Variants in FHAD1 observed in about 807,000 individuals in gnomAD.
The protein encoded by FHAD1 is forkhead associated phosphopeptide binding domain 1, also known as forkhead-associated domain-containing protein 1.
Under a neutral mutation model 191.3 loss-of-function variants are expected in FHAD1, and 146 were observed. The ratio of observed to expected loss-of-function variants is 0.76; its 90% CI spans 0.67 to 0.88. FHAD1 has a LOEUF of 0.88. Ranked by LOEUF, FHAD1 falls within the 40% of genes least tolerant of loss-of-function variation. FHAD1 has a pLI of 0.00. For missense variants in FHAD1, 1,635 were observed against 1,785.8 expected (o/e 0.92, Z 1.52); for synonymous variants, 616 against 672.3 (o/e 0.92, Z 1.29).
intron 5 of FHAD1, among the ~76,000 whole-genome samples, chr1:15,297,835 A>G (rs1340071539): frequency 1.3e-5 from 2 of 150,736 alleles, no homozygotes; most frequent in Non-Finnish European, 3.0e-5. Context: ...GTTTCTTCCC[A>G]CAGATTTATT....
intron 1 of FHAD1, among the ~76,000 whole-genome samples, chr1:15,248,944 T>C (rs952963845): frequency 6.6e-6 from 1 of 151,614 alleles, no homozygotes; most frequent in African/African-American, 2.4e-5. Flanking sequence ...ACACTATCCC[T>C]ATCCTCTCAG....
chr1:15,341,210 A>G (rs1246035858), intron 15 of FHAD1, among the ~76,000 whole-genome samples: 1 of 151,744 alleles, frequency 6.6e-6, no homozygotes, highest in Non-Finnish European at 1.5e-5. Flanking sequence ...CAAAAACACC[A>G]CCTTATTTAC....
At chr1:15,305,812 G>A (rs1284721116) in intron 6 of FHAD1, 3 of 440,830 alleles carry the variant, frequency 6.8e-6, no homozygotes, top group Non-Finnish European at 1.4e-5. Flanking sequence ...CCCCGGCCAT[G>A]TGGAACTGTA....
chr1:15,277,755 G>A (rs1219411024), intron 3 of FHAD1, among the ~76,000 whole-genome samples: 3 of 152,238 alleles, frequency 2.0e-5, no homozygotes, highest in East Asian at 3.9e-4. Context: ...TTCCTCATTC[G>A]CCTCCACTAT....
intron 15 of FHAD1, among the ~76,000 whole-genome samples, chr1:15,340,531 G>A (rs1686151838): frequency 6.6e-6 from 1 of 152,120 alleles, no homozygotes; most frequent in African/African-American, 2.4e-5. Context: ...ATAAAAGAAA[G>A]TGGCCCAATC....
rs1479570086 is a variant in FHAD1, at chr1:15,289,541, G to T, written c.443G>T (p.Trp148Leu). ...GVQPAPMQRSWSQAFPRPTVV... is the reference protein window; with the variant it reads ...GVQPAPMQRSLSQAFPRPTVV... ...CAGCCAGCACCGATGCAAAGGAGCT[G>T]GTCCCAGGCCTTTCCCAGACCCACC... Residue 148 changes from tryptophan (W) to leucine (L), a missense_variant, in exon 4 of 34, where the codon TGG becomes TTG. By Grantham distance (61) the Trp-to-Leu change is moderately conservative. Coordinates refer to ENST00000688493, the MANE Select transcript of FHAD1 (RefSeq NM_001391957.1). The surrounding 1 kb of genome is among the most constrained non-coding windows in gnomAD (Gnocchi z 4.2). 6.4e-7 allele frequency: 1 copy of T among 1,551,738 alleles called. No individual in the cohort carries two copies. The highest frequency in any genetic ancestry group is 8.7e-7 in the Non-Finnish European group (1 of 1,147,048).
At chr1:15,251,395 T>C (rs188976416) in intron 1 of FHAD1, among the ~76,000 whole-genome samples, 2 of 152,298 alleles carry the variant, frequency 1.3e-5, no homozygotes, top group East Asian at 3.9e-4. Flanking sequence ...ACACAGAACT[T>C]GAATACTTGG....
At chr1:15,362,987 C>T (rs1385453342) in intron 23 of FHAD1, among the ~76,000 whole-genome samples, 4 of 152,204 alleles carry the variant, frequency 2.6e-5, no homozygotes, top group African/African-American at 2.4e-5. Context: ...AGGGCAGTGT[C>T]GTGGAAAGAT....
intron 14 of FHAD1, among the ~76,000 whole-genome samples, chr1:15,333,710 T>C (rs1682692694): frequency 1.3e-5 from 2 of 152,112 alleles, no homozygotes; most frequent in African/African-American, 2.4e-5. Flanking sequence ...GCATGGGTTG[T>C]TTAGCTCCTC....
Position 15,345,411 on chromosome 1 carries a change from C to T in FHAD1, c.2239-5C>T. The stretch of plus-strand genomic sequence containing the variant: ...ATGTCTATTGAACAATGATCGTTGA[C>T]TCAGGCTTTGGCGAAAAGCATTACC... On this transcript the variant is annotated splice_region_variant and splice_polypyrimidine_tract_variant and intron_variant, in intron 17 of 33. Coordinates refer to ENST00000688493, the MANE Select transcript of FHAD1 (RefSeq NM_001391957.1). The T allele has an allele frequency of 1.3e-6, 2 of 1,551,730 alleles. No individual in the cohort carries two copies. The highest frequency in any genetic ancestry group is 2.4e-5 in the South Asian group (2 of 84,052).
At chr1:15,359,522 C>T (rs575893819) in intron 21 of FHAD1, among the ~76,000 whole-genome samples, 18 of 152,068 alleles carry the variant, frequency 1.2e-4, no homozygotes, top group South Asian at 2.1e-4. Context: ...ATTTGCCATT[C>T]GGGGGTCATT....
rs534940577 is a variant in FHAD1 at position 15,361,936 on chromosome 1, G to A, written c.2963-706G>A. On this transcript the variant is annotated intron_variant, in intron 22 of 33. Coordinates refer to ENST00000688493, the MANE Select transcript of FHAD1 (RefSeq NM_001391957.1). ...GGAGAATCGCTTGAACCCGGGAGGC[G>A]GAGCTTGCAGTGAGCCGAGATCGCG... Among the ~76,000 whole-genome samples, 624 of 151,910 alleles carry A rather than the reference G, an allele frequency of 4.1e-3. 4 individuals are homozygous for A. The highest frequency in any genetic ancestry group is 0.013 in the African/African-American group (558 of 41,432).
At chr1:15,238,250 G>GAAA (rs35058576) in intron 1 of FHAD1, among the ~76,000 whole-genome samples, 32,035 of 96,516 alleles carry the variant, frequency 0.33, 6,386 homozygotes, top group East Asian at 0.68. Context: ...CCATCTCAAG[G>GAAA]AAAAAAAAAA....
intron 3 of FHAD1, among the ~76,000 whole-genome samples, chr1:15,275,874 G>A (rs1658179873): frequency 6.6e-6 from 1 of 152,178 alleles, no homozygotes; most frequent in Non-Finnish European, 1.5e-5. Context: ...GAAGAGGACT[G>A]TCCTAATATT....
Position 15,329,408 on chromosome 1 carries a change from C to T in FHAD1, c.1773C>T (p.His591=), listed in dbSNP as rs1489398293. The stretch of plus-strand genomic sequence containing the variant: ...AGAAGGAGGTCGACCTTCTTCAGCA[C>T]CTCCAGGTGAGCCCACCTGTCTCGG... ...DLKKEVDLLQ[H]LQVSPPVSGL... The change falls in exon 14 of 34, where the codon CAC becomes CAT. Residue 591 remains histidine, a synonymous_variant. Coordinates refer to ENST00000688493, the MANE Select transcript of FHAD1 (RefSeq NM_001391957.1). The surrounding 1 kb of genome is among the most constrained non-coding windows in gnomAD (Gnocchi z 5.0). 6.4e-7 allele frequency: 1 copy of T among 1,551,174 alleles called. No homozygotes were observed. Among genetic ancestry groups the T allele is most frequent in the Admixed American group, 2.0e-5 (1 of 50,978 alleles).
At chr1:15,346,427 T>TCACCACTCCCC (rs1367551301) in intron 18 of FHAD1, among the ~76,000 whole-genome samples, 4 of 152,212 alleles carry the variant, frequency 2.6e-5, no homozygotes, top group South Asian at 2.1e-4. Flanking sequence ...GCCAGAGTCC[T>TCACCACTCCCC]CACCACTCCC....
chr1:15,386,257 C>G (rs530831063), intron 31 of FHAD1, among the ~76,000 whole-genome samples: 3 of 152,348 alleles, frequency 2.0e-5, no homozygotes, highest in Admixed American at 2.0e-4. Context: ...AGAGAAAAGG[C>G]CACTCGGGGG....
chr1:15,307,127 G>A (rs1314252971), intron 6 of FHAD1, among the ~76,000 whole-genome samples: 2 of 152,190 alleles, frequency 1.3e-5, no homozygotes, highest in African/African-American at 4.8e-5. Flanking sequence ...CTGGATGTGA[G>A]ACCTGGAGTC....
intron 31 of FHAD1, chr1:15,383,254 A>T: frequency 1.7e-5 from 8 of 469,250 alleles, no homozygotes; most frequent in South Asian, 1.1e-4. Flanking sequence ...CTGTCGTCAT[A>T]CCTCAGGAGC....
Sources: gnomAD v4.1 joint callset for allele counts (sites outside exome capture counted in the v4.1 genomes callset) on GRCh38, gnomAD v4.1.1 for gene constraint, Gnocchi (gnomAD v3.1) non-coding constraint, MANE v1.5 for transcripts, NCBI Gene and HGNC (gene_info 2026-07-23, HGNC 2026-07-21) for gene names.